The following ESCO1 variants were observed in gnomAD, a reference collection of about 807,000 sequenced individuals.
The protein encoded by ESCO1 is N-acetyltransferase ESCO1.
A neutral mutation model predicts 83.5 loss-of-function variants in ESCO1; 33 were observed. That is an observed-to-expected ratio of 0.40 (90% CI 0.30 to 0.53). ESCO1 has a LOEUF of 0.53. Among genes scored for constraint, ESCO1 ranks in the 20% least tolerant of loss-of-function variants. The pLI is 0.63. For synonymous variants in ESCO1, 332 were observed against 324.3 expected, an observed-to-expected ratio of 1.02 and a Z score of -0.25; for missense variants, 855 against 968.0, an observed-to-expected ratio of 0.88 and a Z score of 1.55.
At chr18:21,593,670 T>C (rs1389565555) in intron 1 of ESCO1, among the ~76,000 whole-genome samples, 1 of 142,110 alleles carries the variant, frequency 7.0e-6, no homozygotes, top group Non-Finnish European at 1.6e-5. Flanking sequence ...ATTTACCAAT[T>C]CTTAATGCAT....
chr18:21,566,008 G>A (rs760744958), intron 6 of ESCO1, 138 bp downstream of exon 6: 3 of 688,822 alleles, frequency 4.4e-6, no homozygotes, highest in Non-Finnish European at 7.5e-6. Context: ...GTATGTATAG[G>A]CATAGAAAAA....
intron 5 of ESCO1, among the ~76,000 whole-genome samples, chr18:21,567,497 A>G (rs1294263660): frequency 1.3e-5 from 2 of 152,120 alleles, no homozygotes; most frequent in Non-Finnish European, 2.9e-5. Flanking sequence ...AAAAAAGTTC[A>G]CAAGGTTCCA....
At chr18:21,534,106 A>G (rs548157718) in intron 10 of ESCO1, among the ~76,000 whole-genome samples, 1 of 152,288 alleles carries the variant, frequency 6.6e-6, no homozygotes, top group African/African-American at 2.4e-5. Context: ...CTTAACATAT[A>G]TAGAGAAACT....
chr18:21,581,613 A>G (rs1345352274), intron 2 of ESCO1, among the ~76,000 whole-genome samples: 4 of 152,256 alleles, frequency 2.6e-5, no homozygotes, highest in Non-Finnish European at 1.5e-5. Context: ...TCCATCTCAA[A>G]AAACAAATAA....
chr18:21,531,117 GA>G (rs939301369), intron 11 of ESCO1, among the ~76,000 whole-genome samples: 1 of 152,092 alleles, frequency 6.6e-6, no homozygotes, highest in African/African-American at 2.4e-5. Flanking sequence ...AATTTAGGGG[GA>G]AAAAAGTCCA....
At chr18:21,587,147 A>C (rs959688406) in intron 1 of ESCO1, among the ~76,000 whole-genome samples, 1 of 152,172 alleles carries the variant, frequency 6.6e-6, no homozygotes, top group African/African-American at 2.4e-5. Flanking sequence ...GCAAATATTT[A>C]GTTGAGGATT....
In ESCO1 at chr18:21,547,899, C is replaced by G. The variant is rs1422517873; in HGVS notation, c.1954-7890G>C. On this transcript the variant is annotated intron_variant, in intron 8 of 11. Coordinates refer to ENST00000269214, the MANE Select transcript of ESCO1 (RefSeq NM_052911.3). The stretch of plus-strand genomic sequence containing the variant: ...TGGGCAGATCACGAGGTCAGGAGAT[C>G]GAGACCATCCTGGCTAACAAGGTGA... Among the ~76,000 whole-genome samples, 4 of 151,528 alleles carry G rather than the reference C, an allele frequency of 2.6e-5. No individual in the cohort carries two copies. In the East Asian group the frequency reaches 7.8e-4, roughly 29 times the overall value.
intron 1 of ESCO1, among the ~76,000 whole-genome samples, chr18:21,595,035 CGG>C (rs1269466916): frequency 1.3e-5 from 2 of 149,830 alleles, no homozygotes; most frequent in Non-Finnish European, 3.0e-5. Flanking sequence ...TTTGTAGAGA[CGG>C]GGTTTCGCCA....
Position 21,574,407 on chromosome 18 carries a change from T to C in ESCO1, c.437A>G (p.Gln146Arg), listed in dbSNP as rs1228996034. Residue 146 changes from glutamine to arginine, a missense_variant, in exon 4 of 12, where the codon CAA becomes CGA. Gln to Arg is a conservative substitution (Grantham distance 43). Coordinates refer to ENST00000269214, the MANE Select transcript of ESCO1 (RefSeq NM_052911.3). ...TGGTGGCAAACTCTGTTTAACTGCT[T>C]GAACTTGACCCTGAATTTCTCTACT... is the stretch of plus-strand genomic sequence containing the variant. ...LRSREIQGQV[Q>R]AVKQSLPPTK... The C allele has an allele frequency of 6.2e-7, 1 of 1,614,036 alleles. No homozygotes were observed. The highest frequency in any genetic ancestry group is 8.5e-7 in the Non-Finnish European group (1 of 1,180,036).
intron 8 of ESCO1, among the ~76,000 whole-genome samples, chr18:21,543,031 C>T (rs1479659272): frequency 3.9e-5 from 6 of 152,224 alleles, no homozygotes; most frequent in African/African-American, 1.4e-4. Context: ...TACACATAAC[C>T]CTCTGCTAAC....
rs554221375 is a variant in ESCO1, at chr18:21,589,010, G to A, written c.-824-4570C>T. ...TAAGCCCAGCGCTTTGGGAGGCCGA[G>A]GTGGGCAGGTCACCTGAGGTCAGGA... is the stretch of plus-strand genomic sequence containing the variant. On this transcript the variant is annotated intron_variant, in intron 1 of 11. Transcript: ENST00000269214. 2.0e-5 allele frequency among the ~76,000 whole-genome samples: 3 copies of A among 152,188 alleles called. No individual in the cohort carries two copies. In the South Asian group the frequency reaches 6.2e-4, roughly 32 times the overall value.
At chr18:21,598,519 G>A (rs927609709) in intron 1 of ESCO1, among the ~76,000 whole-genome samples, 3 of 140,380 alleles carry the variant, frequency 2.1e-5, no homozygotes, top group Non-Finnish European at 3.1e-5. Context: ...GGCCAACACG[G>A]TGAAACCCTA....
intron 1 of ESCO1, among the ~76,000 whole-genome samples, chr18:21,590,124 G>C (rs924770538): frequency 6.6e-6 from 1 of 151,840 alleles, no homozygotes; most frequent in Non-Finnish European, 1.5e-5. Flanking sequence ...ACTGCGTCCG[G>C]CCGCAAGTCC....
intron 9 of ESCO1, among the ~76,000 whole-genome samples, chr18:21,537,487 A>G (rs1249552118): frequency 2.0e-5 from 3 of 152,184 alleles, no homozygotes; most frequent in Non-Finnish European, 4.4e-5. Flanking sequence ...GTGAGCTATG[A>G]TCACACCACT....
At chr18:21,544,023 C>T (rs1598980780) in intron 8 of ESCO1, among the ~76,000 whole-genome samples, 1 of 152,178 alleles carries the variant, frequency 6.6e-6, no homozygotes, top group Admixed American at 6.5e-5. Context: ...CCTGCAATCC[C>T]AGCACTTTGA....
rs2038284226 is a variant in ESCO1 at position 21,567,866 on chromosome 18, C to T, written c.1645+114G>A. ...ATGATAATCACATATTTGAAAAATACAGCAATGGTTAAAAAGAATTTAACA... is the reference window on the plus strand; with the variant it reads ...ATGATAATCACATATTTGAAAAATATAGCAATGGTTAAAAAGAATTTAACA... On this transcript the variant is annotated intron_variant, in intron 5 of 11. Transcript: ENST00000269214. The T allele has an allele frequency of 1.3e-5, 9 of 686,384 alleles. No homozygotes were observed. The East Asian group carries it at 2.2e-4, about 17-fold the overall frequency. 42.5% of individuals were successfully genotyped at this position (686,384 alleles called of 1,614,324 possible). A position where few individuals can be genotyped will look rare whatever the true frequency, so the allele number is the denominator to read the frequency against.
intron 2 of ESCO1, among the ~76,000 whole-genome samples, chr18:21,583,130 C>G (rs1024962447): frequency 6.6e-6 from 1 of 151,858 alleles, no homozygotes; most frequent in African/African-American, 2.4e-5. Flanking sequence ...TGCAGTGAGC[C>G]GAAATCGTGC....
intron 9 of ESCO1, among the ~76,000 whole-genome samples, chr18:21,539,095 G>A (rs531290129): frequency 1.2e-3 from 179 of 151,136 alleles, no homozygotes; most frequent in African/African-American, 4.2e-3. Flanking sequence ...TTATGTTTCC[G>A]CATTATATTT....
intron 1 of ESCO1, among the ~76,000 whole-genome samples, chr18:21,595,986 T>A (rs1031022934): frequency 3.3e-5 from 5 of 151,080 alleles, no homozygotes; most frequent in African/African-American, 1.2e-4. Flanking sequence ...AATAAATAAA[T>A]AAAATAAAAA....
Sources: gnomAD v4.1 joint callset for allele counts (sites outside exome capture counted in the v4.1 genomes callset) on GRCh38, gnomAD v4.1.1 for gene constraint, MANE v1.5 for transcripts, NCBI Gene and HGNC (gene_info 2026-07-23, HGNC 2026-07-21) for gene names.